The following DNAH14 variants were observed in gnomAD, a reference collection of about 807,000 sequenced individuals.
The protein encoded by DNAH14 is dynein axonemal heavy chain 14, also known as axonemal beta dynein heavy chain 14.
A neutral mutation model predicts 520.9 loss-of-function variants in DNAH14; 478 were observed. That is an observed-to-expected ratio of 0.92 (90% CI 0.85 to 0.99). DNAH14 has a LOEUF of 0.99. Ranked by LOEUF, DNAH14 falls within the 50% of genes least tolerant of loss-of-function variation. The probability of loss-of-function intolerance (pLI) is 0.00; values close to 1 mark genes in which losing one functional copy is unlikely to be tolerated. For synonymous variants in DNAH14, 1,581 were observed against 1,757.2 expected (o/e 0.90, Z 2.51); for missense variants, 4,831 against 5,234.5 (o/e 0.92, Z 2.38).
intron 28 of DNAH14, among the ~76,000 whole-genome samples, chr1:225,142,746 G>A (rs2079568235): frequency 6.6e-6 from 1 of 152,074 alleles, no homozygotes; most frequent in African/African-American, 2.4e-5. Flanking sequence ...TGGCCAACAT[G>A]GTGAAAACCC....
At chr1:225,252,672 A>G (rs1378564365) in intron 44 of DNAH14, among the ~76,000 whole-genome samples, 1 of 152,142 alleles carries the variant, frequency 6.6e-6, no homozygotes, top group Admixed American at 6.6e-5. Context: ...ACTGTAGCAC[A>G]TTGAAAGTCT....
intron 23 of DNAH14, among the ~76,000 whole-genome samples, chr1:225,110,742 T>C (rs1199978423): frequency 6.6e-6 from 1 of 152,082 alleles, no homozygotes; most frequent in Non-Finnish European, 1.5e-5. Flanking sequence ...GATGCGTTTT[T>C]AAGTTATTTG....
At chr1:225,383,619 T>A (rs2095805044) in intron 81 of DNAH14, among the ~76,000 whole-genome samples, 1 of 152,160 alleles carries the variant, frequency 6.6e-6, no homozygotes, top group Non-Finnish European at 1.5e-5. Flanking sequence ...GGGTAGGAAC[T>A]AGCACATTCA....
chr1:225,249,509 T>G (rs999363719), intron 43 of DNAH14, among the ~76,000 whole-genome samples: 1 of 152,180 alleles, frequency 6.6e-6, no homozygotes, highest in Non-Finnish European at 1.5e-5. Flanking sequence ...CCCAGCCCTC[T>G]ACCTGGAGGA....
chr1:225,206,856 C>G (rs946968768), intron 40 of DNAH14, 112 bp from the exon 41 acceptor site: 1 of 957,416 alleles, frequency 1.0e-6, no homozygotes, highest in Non-Finnish European at 1.5e-6. Context: ...AATGACAATT[C>G]TAAGTCATAT....
intron 41 of DNAH14, among the ~76,000 whole-genome samples, chr1:225,207,801 C>A (rs2087788013): frequency 6.6e-6 from 1 of 152,004 alleles, no homozygotes; most frequent in Admixed American, 6.6e-5. Flanking sequence ...ATTATAAATC[C>A]CTGAGGTGAC....
At position 225,147,097 on chromosome 1, in the gene DNAH14, T is replaced by G; in HGVS notation, c.4795-7T>G. On this transcript the variant is annotated splice_polypyrimidine_tract_variant and splice_region_variant and intron_variant, in intron 30 of 85. Transcript: ENST00000682510. ...TTTAGTAATCAATCTCTTTTTTTTT[T>G]TAAAAGATAGTGAGAAAATTTTTCT... The G allele has an allele frequency of 1.3e-6, 2 of 1,498,592 alleles. No individual in the cohort carries two copies. 92.8% of individuals were successfully genotyped at this position (1,498,592 alleles called of 1,614,324 possible). A position where few individuals can be genotyped will look rare whatever the true frequency, so the allele number is the denominator to read the frequency against.
intron 11 of DNAH14, among the ~76,000 whole-genome samples, chr1:225,028,067 A>G (rs979372880): frequency 1.3e-5 from 2 of 151,984 alleles, no homozygotes; most frequent in African/African-American, 4.8e-5. Context: ...TCACATCTAT[A>G]TTCGTAAAGG....
chr1:225,379,496 T>A (rs73136975), intron 79 of DNAH14, among the ~76,000 whole-genome samples: 20,664 of 152,026 alleles, frequency 0.14, 3,352 homozygotes, highest in African/African-American at 0.39. Flanking sequence ...TTTCTCTTGA[T>A]TTCTTTTATT....
chr1:225,086,902 A>T (rs1181957321), intron 21 of DNAH14, among the ~76,000 whole-genome samples: 1 of 152,214 alleles, frequency 6.6e-6, no homozygotes, highest in Non-Finnish European at 1.5e-5. Flanking sequence ...ATGAAAATGA[A>T]TATTTAAGCA....
At chr1:225,045,626 G>C (rs2067888253) in intron 15 of DNAH14, among the ~76,000 whole-genome samples, 1 of 152,080 alleles carries the variant, frequency 6.6e-6, no homozygotes, top group African/African-American at 2.4e-5. Context: ...TGGATTGTCT[G>C]ATGTTGTCTC....
At chr1:224,957,757 AG>A (rs1255807014) in intron 3 of DNAH14, among the ~76,000 whole-genome samples, 16 of 152,156 alleles carry the variant, frequency 1.1e-4, no homozygotes, top group Non-Finnish European at 1.5e-4. Flanking sequence ...ATGGGACGTG[AG>A]TGCTGTTTTT....
intron 38 of DNAH14, among the ~76,000 whole-genome samples, chr1:225,193,135 T>C (rs941141852): frequency 1.2e-4 from 19 of 152,144 alleles, no homozygotes; most frequent in African/African-American, 4.3e-4. Context: ...AAGTTAAAGA[T>C]ATTTGCTTTT....
In DNAH14 at chr1:225,331,488, G is replaced by C; in HGVS notation, c.9775G>C (p.Glu3259Gln). 6.4e-7 allele frequency: 1 copy of C among 1,551,496 alleles called. No individual in the cohort carries two copies. The highest frequency in any genetic ancestry group is 1.2e-5 in the South Asian group (1 of 84,032). The change falls in exon 65 of 86, where the codon GAA (glutamate) becomes CAA (glutamine). Residue 3259 changes from glutamate to glutamine, a missense_variant. By Grantham distance (29) the Glu-to-Gln change is conservative (BLOSUM62 2). Transcript: ENST00000682510. ...LQAAYKDTVA[E>Q]KQLLANRKTM... ...GGCAGCTTACAAAGATACCGTTGCT[G>C]AAAAACAACTATTAGCAAATCGGAA... is the stretch of plus-strand genomic sequence containing the variant.
chr1:225,250,696 G>T, intron 43 of DNAH14: 1 of 551,986 alleles, frequency 1.8e-6, no homozygotes, highest in Non-Finnish European at 3.4e-6. Flanking sequence ...GACGGAGAAA[G>T]GGGAACTGTG....
At chr1:225,327,443 C>G (rs1314787233) in intron 64 of DNAH14, among the ~76,000 whole-genome samples, 2 of 152,038 alleles carry the variant, frequency 1.3e-5, no homozygotes, top group African/African-American at 2.4e-5. Flanking sequence ...TTACAGGTGT[C>G]AGCCACCGCA....
At chr1:225,062,878 C>T (rs995546884) in intron 17 of DNAH14, among the ~76,000 whole-genome samples, 1 of 152,028 alleles carries the variant, frequency 6.6e-6, no homozygotes, top group Non-Finnish European at 1.5e-5. Context: ...TGAAAGACAA[C>T]ACTCTTTAAA....
At chr1:225,091,263 A>T (rs1004164710) in intron 21 of DNAH14, among the ~76,000 whole-genome samples, 1 of 152,120 alleles carries the variant, frequency 6.6e-6, no homozygotes, top group African/African-American at 2.4e-5. Flanking sequence ...ACACTACAAG[A>T]TGACCATTTC....
chr1:225,144,902 T>A (rs1217034681), intron 29 of DNAH14, among the ~76,000 whole-genome samples: 1 of 151,906 alleles, frequency 6.6e-6, no homozygotes, highest in Non-Finnish European at 1.5e-5. Context: ...ATTGTGTGTG[T>A]GTGTGTGTTT....
Sources: allele counts gnomAD v4.1 joint callset (sites outside exome capture counted in the v4.1 genomes callset), GRCh38; gene constraint gnomAD v4.1.1; transcripts MANE v1.5; gene names NCBI Gene and HGNC (gene_info 2026-07-23, HGNC 2026-07-21).